Variants in ITGB3BP observed in about 807,000 individuals in gnomAD.
ITGB3BP encodes integrin subunit beta 3 binding protein.
In ITGB3BP, 27 loss-of-function variants were observed where a neutral mutation model predicts 29.1. The observed-to-expected ratio is 0.93, with a 90% confidence interval of 0.68 to 1.28. The LOEUF is 1.28. ITGB3BP is among the 50% of genes most tolerant of loss of function. The probability of loss-of-function intolerance (pLI) is 0.00; values close to 1 mark genes in which losing one functional copy is unlikely to be tolerated. For missense variants in ITGB3BP, 192 were observed against 200.2 expected (o/e 0.96, Z 0.25); for synonymous variants, 61 against 61.4 (o/e 0.99, Z 0.03).
In ITGB3BP at chr1:63,474,736, C is replaced by T. The variant is rs1471747952; in HGVS notation, c.254+4028G>A. Among the ~76,000 whole-genome samples, 4 of 151,524 alleles carry T rather than the reference C, an allele frequency of 2.6e-5. No individual in the cohort carries two copies. The South Asian group carries it at 6.3e-4, about 24-fold the overall frequency. The stretch of plus-strand genomic sequence containing the variant: ...CATCACCACTCCCTAATCTTAAGTA[C>T]CCAGGGACACAAACACTGCGGAAGG... On this transcript the variant is annotated intron_variant, in intron 4 of 8. Transcript: ENST00000271002.
chr1:63,496,064 C>G (rs1172226357), intron 2 of ITGB3BP, among the ~76,000 whole-genome samples: 1 of 151,426 alleles, frequency 6.6e-6, no homozygotes, highest in Non-Finnish European at 1.5e-5. Context: ...AACTCCTAAG[C>G]TTACTCCTAC....
At chr1:63,469,332 T>TTA (rs1557621102) in intron 4 of ITGB3BP, among the ~76,000 whole-genome samples, 55 of 143,982 alleles carry the variant, frequency 3.8e-4, no homozygotes, top group African/African-American at 7.0e-4. Context: ...TATTATTATT[T>TTA]TTTTTTTTTT....
chr1:63,492,628 A>G (rs375331502), intron 2 of ITGB3BP, among the ~76,000 whole-genome samples: 2 of 152,312 alleles, frequency 1.3e-5, no homozygotes, highest in East Asian at 3.9e-4. Context: ...TTGAGAGAAG[A>G]CTGAGCTACT....
At chr1:63,499,588 A>T (rs929435517) in intron 2 of ITGB3BP, among the ~76,000 whole-genome samples, 3 of 152,216 alleles carry the variant, frequency 2.0e-5, no homozygotes, top group Non-Finnish European at 4.4e-5. Context: ...ATAAATACAG[A>T]TGTAAAAATC....
At chr1:63,482,361 TTGA>T (rs1043140927) in intron 3 of ITGB3BP, among the ~76,000 whole-genome samples, 28 of 151,674 alleles carry the variant, frequency 1.8e-4, no homozygotes, top group African/African-American at 6.8e-4. Flanking sequence ...TACTTTATAG[TTGA>T]TAAATACTAT....
chr1:63,506,448 C>T (rs1274696267), intron 2 of ITGB3BP, among the ~76,000 whole-genome samples: 3 of 152,114 alleles, frequency 2.0e-5, no homozygotes, highest in Non-Finnish European at 4.4e-5. Context: ...TTCACTACCA[C>T]GAGGACAGTA....
At chr1:63,480,519 T>C (rs1645420028) in intron 3 of ITGB3BP, among the ~76,000 whole-genome samples, 1 of 152,088 alleles carries the variant, frequency 6.6e-6, no homozygotes, top group African/African-American at 2.4e-5. Flanking sequence ...TAACCCAAAC[T>C]GTTCACCACT....
intron 2 of ITGB3BP, chr1:63,529,097 G>C (rs773192658): frequency 1.3e-5 from 2 of 152,212 alleles, no homozygotes; most frequent in Non-Finnish European, 2.9e-5. Flanking sequence ...TTAAGGAATA[G>C]TTCATTTACA....
rs17125032 is a variant in ITGB3BP at position 63,456,601 on chromosome 1, C to G, written c.255-1633G>C. Among the ~76,000 whole-genome samples the G allele has an allele frequency of 2.0e-5, 3 of 152,142 alleles. No homozygotes were observed. The East Asian group carries it at 5.8e-4, about 29-fold the overall frequency. The stretch of plus-strand genomic sequence containing the variant: ...TGGAGGCAAATAAGTTACTTTGCTA[C>G]GAGAAATAATCTGAGGGGCTTGTTG... On this transcript the variant is annotated intron_variant, in intron 4 of 8. Transcript: ENST00000271002.
At chr1:63,516,707 T>G (rs1471993849) in intron 1 of ITGB3BP, among the ~76,000 whole-genome samples, 1 of 127,596 alleles carries the variant, frequency 7.8e-6, no homozygotes, top group African/African-American at 2.7e-5. Flanking sequence ...AAGACCTTGT[T>G]TCATGAAAAA....
At chr1:63,501,236 C>T (rs536520265) in intron 2 of ITGB3BP, among the ~76,000 whole-genome samples, 21 of 152,266 alleles carry the variant, frequency 1.4e-4, no homozygotes, top group African/African-American at 5.1e-4. Context: ...CTATAAAACT[C>T]TTAGAAACGT....
chr1:63,526,298 A>G, upstream of ITGB3BP, among the ~76,000 whole-genome samples: 1 of 152,140 alleles, frequency 6.6e-6, no homozygotes, highest in Non-Finnish European at 1.5e-5. Flanking sequence ...GGTCCCCAAA[A>G]CCACCAAATT....
At chr1:63,508,236 A>G (rs1646123024) in intron 2 of ITGB3BP, among the ~76,000 whole-genome samples, 1 of 152,076 alleles carries the variant, frequency 6.6e-6, no homozygotes, top group Non-Finnish European at 1.5e-5. Context: ...GTGGCAGACT[A>G]TTTTTTTCCA....
At chr1:63,523,246 T>C (rs1646505742), upstream of ITGB3BP, 5 of 1,433,478 alleles carry the variant, frequency 3.5e-6, no homozygotes, top group South Asian at 5.8e-5. Context: ...CGCTGGACGT[T>C]GCGTCAAGCC....
intron 2 of ITGB3BP, among the ~76,000 whole-genome samples, chr1:63,490,687 C>T (rs1645626904): frequency 6.6e-6 from 1 of 152,136 alleles, no homozygotes. Context: ...TCAATAATCA[C>T]CAAAATAATG....
At chr1:63,481,291 T>C (rs1645432791) in intron 3 of ITGB3BP, among the ~76,000 whole-genome samples, 1 of 152,140 alleles carries the variant, frequency 6.6e-6, no homozygotes, top group South Asian at 2.1e-4. Flanking sequence ...GGACTTATGA[T>C]TTTAAATAAT....
At chr1:63,458,394 T>G (rs534571854) in intron 4 of ITGB3BP, 13 of 152,088 alleles carry the variant, frequency 8.5e-5, no homozygotes, top group African/African-American at 2.9e-4. Context: ...AAAGAGAAAT[T>G]GTATTAAATT....
chr1:63,526,311 G>T (rs893368581), upstream of ITGB3BP, among the ~76,000 whole-genome samples: 3 of 151,882 alleles, frequency 2.0e-5, no homozygotes, highest in Admixed American at 2.0e-4. Flanking sequence ...ACCAAATTTG[G>T]TTCTTTCCAG....
chr1:63,505,197 T>C (rs1646044943), intron 2 of ITGB3BP, among the ~76,000 whole-genome samples: 1 of 152,224 alleles, frequency 6.6e-6, no homozygotes, highest in African/African-American at 2.4e-5. Flanking sequence ...CAGCCTGTTA[T>C]TGGTCTATTC....
Sources: gnomAD v4.1 joint callset for allele counts (sites outside exome capture counted in the v4.1 genomes callset) on GRCh38, gnomAD v4.1.1 for gene constraint, MANE v1.5 for transcripts, NCBI Gene and HGNC (gene_info 2026-07-23, HGNC 2026-07-21) for gene names.